Variants in SYBU observed in about 807,000 individuals in gnomAD.
SYBU encodes syntabulin, also known as GOLSYN A protein.
SYBU carries 21 observed loss-of-function variants against 35.9 expected under a neutral mutation model. The ratio of observed to expected loss-of-function variants is 0.58; its 90% CI spans 0.41 to 0.84. The LOEUF is 0.84. Ranked by LOEUF, SYBU falls within the 40% of genes least tolerant of loss-of-function variation. SYBU has a pLI of 0.00. For synonymous variants in SYBU, 319 were observed against 324.3 expected (o/e 0.98, Z 0.18); for missense variants, 768 against 848.2 (o/e 0.91, Z 1.17).
chr8:109,621,956 TGAA>T lies in SYBU; in HGVS notation c.230-2920_230-2918del, dbSNP rs749777531. Among the ~76,000 whole-genome samples, 169 of 152,312 alleles carry T rather than the reference TGAA, an allele frequency of 1.1e-3. 1 individual carries two copies. Among genetic ancestry groups the T allele is most frequent in the Non-Finnish European group, 1.3e-3 (86 of 68,030 alleles). On this transcript the variant is annotated intron_variant, in intron 2 of 6. Transcript: ENST00000276646. The stretch of plus-strand genomic sequence containing the variant: ...TGAGGTATTTTTCTTTGTGCAGCAC[TGAA>T]GAAGAAGTTATCTTTACAAGTCTTA...
rs1253268295 is a variant in SYBU, at chr8:109,584,816, TA to T, written c.530+1243del. ...CCTGGAAAGGCAGGCTTTTGGAAACTAAATAGATTTTCTCCAGGAAGAGACC... is the reference window on the plus strand; with the variant it reads ...CCTGGAAAGGCAGGCTTTTGGAAACTAATAGATTTTCTCCAGGAAGAGACC... On this transcript the variant is annotated intron_variant, in intron 4 of 6. Transcript: ENST00000276646. The surrounding 1 kb of genome is among the most constrained non-coding windows in gnomAD (Gnocchi z 4.0). 2.0e-5 allele frequency among the ~76,000 whole-genome samples: 3 copies of T among 152,144 alleles called. No homozygotes were observed. Among genetic ancestry groups the T allele is most frequent in the African/African-American group, 7.2e-5 (3 of 41,434 alleles).
intron 1 of SYBU, among the ~76,000 whole-genome samples, chr8:109,680,427 A>T (rs1227260028): frequency 7.2e-5 from 4 of 55,528 alleles, no homozygotes; most frequent in African/African-American, 6.2e-4. Context: ...TTAAATGACA[A>T]ATTAGGAACA....
chr8:109,581,082 C>T (rs1374588699), intron 4 of SYBU: 2 of 152,234 alleles, frequency 1.3e-5, no homozygotes, highest in Non-Finnish European at 2.9e-5. Context: ...TTAATGCTCC[C>T]TAAAACTCTG....
At chr8:109,618,756 A>T in intron 3 of SYBU, 86 bp downstream of exon 3, 2 of 1,227,166 alleles carry the variant, frequency 1.6e-6, no homozygotes, top group Non-Finnish European at 2.4e-6. Flanking sequence ...GTGATCCCCG[A>T]CTCGATATAC....
At chr8:109,590,412 T>G (rs868456313) in intron 3 of SYBU, among the ~76,000 whole-genome samples, 28 of 45,534 alleles carry the variant, frequency 6.1e-4, no homozygotes, top group Admixed American at 4.5e-3. Context: ...ATACAGGTGT[T>G]TTTTTTTTTG....
rs769279046 is a variant in SYBU, at chr8:109,619,051, G to T, written c.230-12C>A. The T allele has an allele frequency of 1.9e-6, 3 of 1,606,504 alleles. No homozygotes were observed. The Admixed American group carries it at 5.0e-5, about 27-fold the overall frequency. On this transcript the variant is annotated splice_polypyrimidine_tract_variant and intron_variant, in intron 2 of 6. Transcript: ENST00000276646. Reference sequence around the variant, plus strand: ...ACAGCCTGTGTCATCTAGAAGACAGGAATCAATAAGTGTTTAATGATGAGG... The same window carrying T: ...ACAGCCTGTGTCATCTAGAAGACAGTAATCAATAAGTGTTTAATGATGAGG...
chr8:109,655,314 A>G (rs1001559282), intron 1 of SYBU, among the ~76,000 whole-genome samples: 3 of 152,198 alleles, frequency 2.0e-5, no homozygotes, highest in Admixed American at 1.3e-4. Flanking sequence ...GGATAAAATG[A>G]TTTTCGGCTT....
At chr8:109,663,256 T>TATAG (rs1173198011) in intron 1 of SYBU, among the ~76,000 whole-genome samples, 2 of 123,844 alleles carry the variant, frequency 1.6e-5, no homozygotes, top group Non-Finnish European at 3.2e-5. Flanking sequence ...TAAAAATACA[T>TATAG]ACAGATAGAT....
At chr8:109,682,219 G>A (rs145950741), upstream of SYBU, among the ~76,000 whole-genome samples, 1,947 of 152,326 alleles carry the variant, frequency 0.013, 41 homozygotes, top group African/African-American at 0.045. Context: ...GGTTAAAACA[G>A]TTTGGAGGGC....
intron 1 of SYBU, among the ~76,000 whole-genome samples, chr8:109,673,380 C>T (rs189045480): frequency 1.3e-5 from 2 of 152,270 alleles, no homozygotes; most frequent in African/African-American, 4.8e-5. Flanking sequence ...GCTGGTGATA[C>T]CCAGGCAAAC....
At chr8:109,649,712 G>A (rs1163535686), upstream of SYBU, among the ~76,000 whole-genome samples, 2 of 152,262 alleles carry the variant, frequency 1.3e-5, no homozygotes, top group African/African-American at 2.4e-5. Flanking sequence ...TTTGAAAATA[G>A]GGTAGGATAT....
chr8:109,642,503 G>C (rs1226437765), intron 2 of SYBU, among the ~76,000 whole-genome samples: 3 of 152,188 alleles, frequency 2.0e-5, no homozygotes, highest in African/African-American at 7.2e-5. Context: ...GAAATTATAA[G>C]CTAGAATAAC....
chr8:109,581,663 A>G (rs1199553492), intron 4 of SYBU, among the ~76,000 whole-genome samples: 1 of 152,198 alleles, frequency 6.6e-6, no homozygotes, highest in Non-Finnish European at 1.5e-5. Context: ...TTTCTTTGCA[A>G]TTTTAATTAC....
At chr8:109,662,561 G>A (rs895891857) in intron 1 of SYBU, among the ~76,000 whole-genome samples, 4 of 152,108 alleles carry the variant, frequency 2.6e-5, no homozygotes, top group Non-Finnish European at 5.9e-5. Flanking sequence ...ATGGTTCTCT[G>A]CAGACTCTCC....
chr8:109,683,706 G>A (rs1167478502), upstream of SYBU, among the ~76,000 whole-genome samples: 1 of 152,134 alleles, frequency 6.6e-6, no homozygotes, highest in Non-Finnish European at 1.5e-5. Flanking sequence ...GATAGGGTTT[G>A]GTTCTGTGTC....
chr8:109,642,990 C>T, intron 1 of SYBU, 58 bp from the exon 2 acceptor site: 1 of 1,457,680 alleles, frequency 6.9e-7, no homozygotes, highest in Non-Finnish European at 9.1e-7. Flanking sequence ...TCTCTTAACT[C>T]CTGTCGGTTC....
chr8:109,578,085 CAG>C lies in SYBU; in HGVS notation c.735-70_735-69del, dbSNP rs553046404. ...CTTTTCTATAAAAAGAAGAGTAACA[CAG>C]AGTGTTATCAACTGAATGTCTGTGT... On this transcript the variant is annotated intron_variant, in intron 5 of 6. Coordinates refer to ENST00000276646, the MANE Select transcript of SYBU (RefSeq NM_001099754.2). 1.3e-3 allele frequency: 1,958 copies of C among 1,517,414 alleles called. 4 individuals carry two copies. Among genetic ancestry groups the C allele is most frequent in the Non-Finnish European group, 1.5e-3 (1,680 of 1,119,366 alleles). 94.0% of individuals were successfully genotyped at this position (1,517,414 alleles called of 1,614,324 possible).
intron 3 of SYBU, chr8:109,607,905 A>C: frequency 6.8e-7 from 1 of 1,464,326 alleles, no homozygotes; most frequent in Non-Finnish European, 9.2e-7. Flanking sequence ...GACTAATACT[A>C]CTTACTTAGA....
At chr8:109,623,464 G>A (rs1408682417) in intron 2 of SYBU, among the ~76,000 whole-genome samples, 2 of 152,112 alleles carry the variant, frequency 1.3e-5, no homozygotes, top group African/African-American at 4.8e-5. Context: ...GCTATCTAAA[G>A]TACTGTTAAA....
Sources: gnomAD v4.1 joint callset for allele counts (sites outside exome capture counted in the v4.1 genomes callset) on GRCh38, gnomAD v4.1.1 for gene constraint, Gnocchi (gnomAD v3.1) non-coding constraint, MANE v1.5 for transcripts, NCBI Gene and HGNC (gene_info 2026-07-23, HGNC 2026-07-21) for gene names.